Variants in ETS1 observed in about 807,000 individuals in gnomAD.
ETS1 encodes protein C-ets-1.
ETS1 carries 15 observed loss-of-function variants against 58.6 expected under a neutral mutation model. That is an observed-to-expected ratio of 0.26 (90% CI 0.17 to 0.39). The LOEUF is 0.39. ETS1 is among the 10% of genes least tolerant of loss of function. ETS1 has a pLI of 1.00. For synonymous variants in ETS1, 214 were observed against 218.2 expected, an observed-to-expected ratio of 0.98 and a Z score of 0.17; for missense variants, 417 against 610.5, an observed-to-expected ratio of 0.68 and a Z score of 3.34.
In ETS1 at chr11:128,460,139, T is replaced by G. The variant is rs1324359938; in HGVS notation, c.*2222A>C. ...ACAACATTCACACACATGCACACAT[T>G]CACACACACACCTTTTGCCAGTGCC... is the stretch of plus-strand genomic sequence containing the variant. On this transcript the variant is annotated 3_prime_UTR_variant, in exon 10 of 10. Coordinates refer to ENST00000392668, the MANE Select transcript of ETS1 (RefSeq NM_001143820.2). The G allele has an allele frequency of 1.3e-5, 2 of 151,038 alleles. No homozygotes were observed. The highest frequency in any genetic ancestry group is 3.0e-5 in the Non-Finnish European group (2 of 67,580). The allele number at this position is 151,038 out of a possible 1,614,324, so 9.4% of individuals were successfully genotyped here.
rs890657611 is a variant in ETS1, at chr11:128,549,980, G to A, written c.214+6311C>T. Among the ~76,000 whole-genome samples the A allele has an allele frequency of 2.0e-5, 3 of 152,212 alleles. 1 individual carries two copies. Among genetic ancestry groups the A allele is most frequent in the South Asian group, 2.1e-4 (1 of 4,830 alleles). The stretch of plus-strand genomic sequence containing the variant: ...CCTAAATCCACACTCACACCATGGC[G>A]AAAGGAAAAAGAAGAAAAGCAGCGT... On this transcript the variant is annotated intron_variant, in intron 3 of 9. Coordinates refer to ENST00000392668, the MANE Select transcript of ETS1 (RefSeq NM_001143820.2). This position sits in a 1 kb window ranked among gnomAD's most constrained non-coding sequence, Gnocchi z 4.3.
intron 3 of ETS1, among the ~76,000 whole-genome samples, chr11:128,528,521 G>A (rs1401276286): frequency 6.6e-6 from 1 of 152,068 alleles, no homozygotes; most frequent in African/African-American, 2.4e-5. Flanking sequence ...GTACATATTT[G>A]AATATGCGTG....
At chr11:128,510,690 T>G (rs61531410) in intron 3 of ETS1, among the ~76,000 whole-genome samples, 3,672 of 152,302 alleles carry the variant, frequency 0.024, 154 homozygotes, top group African/African-American at 0.084. Flanking sequence ...ATTATCTTCA[T>G]GCTTGCTATA....
intron 3 of ETS1, among the ~76,000 whole-genome samples, chr11:128,545,130 G>T (rs1187982907): frequency 2.0e-5 from 3 of 152,100 alleles, no homozygotes; most frequent in Non-Finnish European, 4.4e-5. Flanking sequence ...CCATTCTCTG[G>T]AGGAGCTTTG....
At chr11:128,529,099 C>T (rs555369521) in intron 3 of ETS1, 23 of 152,222 alleles carry the variant, frequency 1.5e-4, no homozygotes, top group African/African-American at 5.1e-4. Context: ...AGATGTACAA[C>T]TGCTATATAC....
intron 5 of ETS1, among the ~76,000 whole-genome samples, chr11:128,486,486 G>C (rs1862635439): frequency 6.6e-6 from 1 of 152,156 alleles, no homozygotes; most frequent in Non-Finnish European, 1.5e-5. Flanking sequence ...ATAGCCAAAG[G>C]CTTGAGTACA....
intron 3 of ETS1, among the ~76,000 whole-genome samples, chr11:128,499,764 C>G (rs1277538929): frequency 6.6e-6 from 1 of 152,128 alleles, no homozygotes. Flanking sequence ...CTGGTCAAAC[C>G]TCGGCTCGGG....
At position 128,480,179 on chromosome 11, in the gene ETS1, G is replaced by A; in HGVS notation, c.1123+12C>T. On this transcript the variant is annotated intron_variant, in intron 8 of 9. Transcript: ENST00000392668. The stretch of plus-strand genomic sequence containing the variant: ...CAGATGGAGTTGGCCTAAGCAGCGG[G>A]AGGGCGCCTACCTGTGTAGCCAGCT... The A allele has an allele frequency of 6.2e-7, 1 of 1,612,444 alleles. No homozygotes were observed. The highest frequency in any genetic ancestry group is 8.5e-7 in the Non-Finnish European group (1 of 1,179,172).
chr11:128,466,306 AC>A (rs976701495), intron 8 of ETS1, among the ~76,000 whole-genome samples: 4 of 152,096 alleles, frequency 2.6e-5, no homozygotes, highest in African/African-American at 9.7e-5. Context: ...GTCTCATGAC[AC>A]CAAGCCGAGG....
In ETS1 at chr11:128,496,390, A is replaced by G. The variant is rs1862941531; in HGVS notation, c.215-5814T>C. ...ATGGTCAACATCCTCATGAACTTAC[A>G]ACTGTAACTAAAGTGTACAAAACAA... is the stretch of plus-strand genomic sequence containing the variant. On this transcript the variant is annotated intron_variant, in intron 3 of 9. Coordinates refer to ENST00000392668, the MANE Select transcript of ETS1 (RefSeq NM_001143820.2). Among the ~76,000 whole-genome samples, 3 of 152,110 alleles carry G rather than the reference A, an allele frequency of 2.0e-5. No individual in the cohort carries two copies. The South Asian group carries it at 6.2e-4, about 32-fold the overall frequency.
intron 3 of ETS1, among the ~76,000 whole-genome samples, chr11:128,546,996 T>A (rs965878870): frequency 6.6e-6 from 1 of 152,168 alleles, no homozygotes; most frequent in Non-Finnish European, 1.5e-5. Flanking sequence ...GAGATCATCC[T>A]GAGGAGCATG....
intron 3 of ETS1, among the ~76,000 whole-genome samples, chr11:128,542,974 A>G: frequency 6.6e-6 from 1 of 152,134 alleles, no homozygotes; most frequent in East Asian, 1.9e-4. Flanking sequence ...GGAGTTCAGG[A>G]CCAGCCTGGC....
At chr11:128,517,742 C>A (rs1358642980) in intron 3 of ETS1, among the ~76,000 whole-genome samples, 1 of 152,184 alleles carries the variant, frequency 6.6e-6, no homozygotes, top group East Asian at 1.9e-4. Flanking sequence ...AACCAGCTCT[C>A]AGTTTGCAGA....
rs1865053939 is a variant in ETS1 at position 128,587,509 on chromosome 11, G to A, written c.-36C>T. 6.6e-6 allele frequency: 1 copy of A among 152,352 alleles called. No individual in the cohort carries two copies. The highest frequency in any genetic ancestry group is 6.5e-5 in the Admixed American group (1 of 15,284). 9.4% of individuals were successfully genotyped at this position (152,352 alleles called of 1,614,324 possible). A position where few individuals can be genotyped will look rare whatever the true frequency, so the allele number is the denominator to read the frequency against. On this transcript the variant is annotated 5_prime_UTR_variant, in exon 1 of 10. Coordinates refer to ENST00000392668, the MANE Select transcript of ETS1 (RefSeq NM_001143820.2). ...ACACCTCACTTACTACTTTGCCGGAGAGCAGATCCTGAGTGAGCTTCCCTC... is the reference window on the plus strand; with the variant it reads ...ACACCTCACTTACTACTTTGCCGGAAAGCAGATCCTGAGTGAGCTTCCCTC...
chr11:128,520,749 T>C (rs564196594), intron 3 of ETS1, among the ~76,000 whole-genome samples: 1 of 152,324 alleles, frequency 6.6e-6, no homozygotes, highest in African/African-American at 2.4e-5. Flanking sequence ...TACATGTCTT[T>C]ATTAATATTT....
chr11:128,556,355 G>A lies in ETS1; in HGVS notation c.150C>T (p.Cys50=). The stretch of plus-strand genomic sequence containing the variant: ...TTGCCATCTCATCCCAAAAGGGGTA[G>A]CAAGGTCTTTGCTGGTGATAATTGG... The part of the protein sequence containing the change: ...FQSNYHQQRP[C]YPFWDEMATQ... Residue 50 remains cysteine (C), a synonymous_variant, in exon 3 of 10, where the codon TGC becomes TGT. Transcript: ENST00000392668. 1 of 1,613,490 alleles carries A rather than the reference G, an allele frequency of 6.2e-7. No individual in the cohort carries two copies. The highest frequency in any genetic ancestry group is 8.5e-7 in the Non-Finnish European group (1 of 1,179,462).
rs1026090457 is a variant in ETS1, at chr11:128,460,076, A to C, written c.*2285T>G. The C allele has an allele frequency of 6.2e-5, 2 of 32,310 alleles. No individual in the cohort carries two copies. The highest frequency in any genetic ancestry group is 9.7e-5 in the Non-Finnish European group (1 of 10,304). 2.0% of individuals were successfully genotyped at this position (32,310 alleles called of 1,614,324 possible). A position where few individuals can be genotyped will look rare whatever the true frequency, so the allele number is the denominator to read the frequency against. On this transcript the variant is annotated 3_prime_UTR_variant, in exon 10 of 10. Transcript: ENST00000392668. The stretch of plus-strand genomic sequence containing the variant: ...TGCAGTTTTGCATGTCTGCAAACAC[A>C]CACACACACACACACACACACACAC...
chr11:128,503,179 T>G (rs1442856559), intron 3 of ETS1, among the ~76,000 whole-genome samples: 1 of 152,202 alleles, frequency 6.6e-6, no homozygotes, highest in Non-Finnish European at 1.5e-5. Flanking sequence ...TTTTTTCTCT[T>G]TTTCCTTTAA....
chr11:128,492,266 T>C (rs181029103), intron 3 of ETS1, among the ~76,000 whole-genome samples: 2 of 152,232 alleles, frequency 1.3e-5, no homozygotes, highest in Non-Finnish European at 2.9e-5. Context: ...ATGGGCTGAA[T>C]GAAATTAAGC....
Sources: allele counts gnomAD v4.1 joint callset (sites outside exome capture counted in the v4.1 genomes callset), GRCh38; gene constraint gnomAD v4.1.1; non-coding constraint Gnocchi (gnomAD v3.1); transcripts MANE v1.5; gene names NCBI Gene and HGNC (gene_info 2026-07-23, HGNC 2026-07-21).